The following MAPKAPK2 variants were observed in gnomAD, a reference collection of about 807,000 sequenced individuals.
MAPKAPK2 encodes MAP kinase-activated protein kinase 2.
In MAPKAPK2, 9 loss-of-function variants were observed where a neutral mutation model predicts 48.8. The ratio of observed to expected loss-of-function variants is 0.18; its 90% CI spans 0.11 to 0.32. The LOEUF is 0.32. Ranked by LOEUF, MAPKAPK2 falls within the 10% of genes least tolerant of loss-of-function variation. The pLI is 1.00. For missense variants in MAPKAPK2, 331 were observed against 498.3 expected (o/e 0.66, Z 3.20); for synonymous variants, 202 against 190.6 (o/e 1.06, Z -0.49).
intron 1 of MAPKAPK2, among the ~76,000 whole-genome samples, chr1:206,708,030 T>C (rs1385442682): frequency 6.6e-6 from 1 of 152,238 alleles, no homozygotes; most frequent in Non-Finnish European, 1.5e-5. Flanking sequence ...CCCTACATTG[T>C]ACATTGATCC....
intron 1 of MAPKAPK2, among the ~76,000 whole-genome samples, chr1:206,726,212 C>A (rs1037904571): frequency 6.6e-6 from 1 of 152,208 alleles, no homozygotes. Flanking sequence ...TGGCGAAACC[C>A]GGTCTCTACT....
chr1:206,716,584 T>C (rs1553430426), intron 1 of MAPKAPK2, among the ~76,000 whole-genome samples: 1 of 152,172 alleles, frequency 6.6e-6, no homozygotes, highest in African/African-American at 2.4e-5. Flanking sequence ...ATCTGTGGAC[T>C]CAGGTATACG....
rs370608750 is a variant in MAPKAPK2 at position 206,694,009 on chromosome 1, A to G, written c.279+8501A>G. ...CCATGGAGGTGTGGCCTCTTCCTCT[A>G]CTCCCCAGGGATCCTGGAGACTTGT... is the stretch of plus-strand genomic sequence containing the variant. On this transcript the variant is annotated intron_variant, in intron 1 of 9. Transcript: ENST00000367103. Among the ~76,000 whole-genome samples the G allele has an allele frequency of 9.7e-4, 148 of 152,028 alleles. 1 individual carries two copies. The highest frequency in any genetic ancestry group is 3.5e-3 in the African/African-American group (146 of 41,440).
chr1:206,710,418 A>G (rs1279530594), intron 1 of MAPKAPK2, among the ~76,000 whole-genome samples: 1 of 152,244 alleles, frequency 6.6e-6, no homozygotes, highest in South Asian at 2.1e-4. Flanking sequence ...GTGACATTTT[A>G]CAAAAATGGA....
chr1:206,723,791 G>A (rs999039870), intron 1 of MAPKAPK2, among the ~76,000 whole-genome samples: 1 of 152,230 alleles, frequency 6.6e-6, no homozygotes, highest in African/African-American at 2.4e-5. Flanking sequence ...AAGAGACAGA[G>A]AGGCATGGGA....
chr1:206,721,774 A>C (rs1289186220), intron 1 of MAPKAPK2, among the ~76,000 whole-genome samples: 14 of 152,230 alleles, frequency 9.2e-5, no homozygotes, highest in African/African-American at 3.1e-4. Flanking sequence ...TTTGAAGCAC[A>C]GTGGACCCTT....
chr1:206,717,311 A>T (rs2102403315), intron 1 of MAPKAPK2, among the ~76,000 whole-genome samples: 1 of 152,320 alleles, frequency 6.6e-6, no homozygotes. Context: ...GCTTAAATAT[A>T]GCAATATTTG....
At position 206,685,258 on chromosome 1, in the gene MAPKAPK2, C is replaced by A. The variant is rs1206536591; in HGVS notation, c.29C>A (p.Pro10Gln). The change falls in exon 1 of 10, where the codon CCG becomes CAG. Residue 10 changes from proline (P) to glutamine (Q), a missense_variant. Physicochemically the swap from Pro to Gln is moderately conservative, Grantham distance 76. Around this residue, in one of 4 missense-constraint regions of MAPKAPK2, gnomAD observed 93 missense variants for 81.0 expected, o/e 1.15. Transcript: ENST00000367103. ...CTGTCCAACTCCCAGGGCCAGAGCC[C>A]GCCGGTGCCGTTCCCCGCCCCGGCC... MLSNSQGQS[P>Q]PVPFPAPAPP... 7.7e-6 allele frequency: 5 copies of A among 650,108 alleles called. No homozygotes were observed. The East Asian group carries it at 2.5e-4, about 32-fold the overall frequency. 40.3% of individuals were successfully genotyped at this position (650,108 alleles called of 1,614,324 possible).
intron 3 of MAPKAPK2, 46 bp downstream of exon 3, chr1:206,729,145 T>C: frequency 6.3e-6 from 10 of 1,594,954 alleles, no homozygotes; most frequent in South Asian, 1.1e-5. Flanking sequence ...GGCAGGGCAG[T>C]GGGGGTCTGA....
intron 1 of MAPKAPK2, among the ~76,000 whole-genome samples, chr1:206,701,831 T>TAA (rs1181483621): frequency 0.074 from 6,396 of 86,226 alleles, 523 homozygotes; most frequent in East Asian, 0.36. Flanking sequence ...ACCCTGTCTC[T>TAA]AAAAAAAAAA....
intron 1 of MAPKAPK2, among the ~76,000 whole-genome samples, chr1:206,692,689 T>A (rs1450496330): frequency 6.6e-6 from 1 of 152,226 alleles, no homozygotes; most frequent in Non-Finnish European, 1.5e-5. Context: ...TTGTATCTGG[T>A]GTTCTCCTCC....
Position 206,732,954 on chromosome 1 carries a change from C to T in MAPKAPK2, c.*236C>T, listed in dbSNP as rs1673976705. On this transcript the variant is annotated 3_prime_UTR_variant, in exon 10 of 10. Coordinates refer to ENST00000367103, the MANE Select transcript of MAPKAPK2 (RefSeq NM_032960.4). This position sits in a 1 kb window ranked among gnomAD's most constrained non-coding sequence, Gnocchi z 4.4. ...AGCAAGGTGCTCTTGAACCTGTGCT[C>T]ATTTTGCAATTTTATCAGTAATTTG... 6.2e-6 allele frequency: 3 copies of T among 483,296 alleles called. No homozygotes were observed. The highest frequency in any genetic ancestry group is 7.9e-5 in the South Asian group (2 of 25,428). The allele number at this position is 483,296 out of a possible 1,614,324, so 29.9% of individuals were successfully genotyped here.
In MAPKAPK2 at chr1:206,731,241, T is replaced by G; in HGVS notation, c.871T>G (p.Trp291Gly). 1 of 1,614,120 alleles carries G rather than the reference T, an allele frequency of 6.2e-7. No individual in the cohort carries two copies. The highest frequency in any genetic ancestry group is 8.5e-7 in the Non-Finnish European group (1 of 1,180,022). Reference protein sequence around the residue: ...MGQYEFPNPEWSEVSEEVKML... With the variant: ...MGQYEFPNPEGSEVSEEVKML... ...CCAGTATGAATTTCCCAACCCAGAA[T>G]GGTCAGAAGTATCAGAGGAAGGTAA... The change falls in exon 7 of 10, where the codon TGG (tryptophan) becomes GGG (glycine). Residue 291 changes from tryptophan (W) to glycine (G), a missense_variant. Physicochemically the swap from Trp to Gly is radical, Grantham distance 184. Coordinates refer to ENST00000367103, the MANE Select transcript of MAPKAPK2 (RefSeq NM_032960.4). This position sits in a 1 kb window ranked among gnomAD's most constrained non-coding sequence, Gnocchi z 5.9.
At chr1:206,697,665 C>T (rs1672673381) in intron 1 of MAPKAPK2, among the ~76,000 whole-genome samples, 1 of 152,224 alleles carries the variant, frequency 6.6e-6, no homozygotes, top group Admixed American at 6.5e-5. Flanking sequence ...ACATCTCCCA[C>T]CGGGCCCCAC....
At chr1:206,720,326 C>T (rs1673475761) in intron 1 of MAPKAPK2, among the ~76,000 whole-genome samples, 1 of 152,186 alleles carries the variant, frequency 6.6e-6, no homozygotes, top group South Asian at 2.1e-4. Context: ...CCATTAACAA[C>T]TCATTGAGTC....
intron 1 of MAPKAPK2, among the ~76,000 whole-genome samples, chr1:206,713,192 G>A (rs1339773745): frequency 1.3e-5 from 2 of 152,216 alleles, no homozygotes; most frequent in African/African-American, 4.8e-5. Flanking sequence ...TCCCACTGGT[G>A]AGTGCTGAAG....
intron 1 of MAPKAPK2, among the ~76,000 whole-genome samples, chr1:206,697,242 C>G (rs1307526156): frequency 6.6e-6 from 1 of 152,238 alleles, no homozygotes; most frequent in African/African-American, 2.4e-5. Flanking sequence ...TAGCTACAGA[C>G]ACGGCACAGA....
Position 206,731,986 on chromosome 1 carries a change from G to A in MAPKAPK2, c.1059+67G>A. ...GGCGGCTTGCGGGGAGTGCCCAGGTGTGAGGCGTGGTGCTGGTAGGGGAGA... is the reference window on the plus strand; with the variant it reads ...GGCGGCTTGCGGGGAGTGCCCAGGTATGAGGCGTGGTGCTGGTAGGGGAGA... On this transcript the variant is annotated intron_variant, in intron 9 of 9. Coordinates refer to ENST00000367103, the MANE Select transcript of MAPKAPK2 (RefSeq NM_032960.4). The surrounding 1 kb of genome is among the most constrained non-coding windows in gnomAD (Gnocchi z 5.9). 1 of 1,614,104 alleles carries A rather than the reference G, an allele frequency of 6.2e-7. No homozygotes were observed. Among genetic ancestry groups the A allele is most frequent in the Non-Finnish European group, 8.5e-7 (1 of 1,180,008 alleles).
intron 1 of MAPKAPK2, among the ~76,000 whole-genome samples, chr1:206,699,314 T>C (rs1360022843): frequency 2.6e-5 from 4 of 152,166 alleles, no homozygotes; most frequent in Non-Finnish European, 5.9e-5. Flanking sequence ...AGACACATGA[T>C]GGGCTCTTCA....
Sources: gnomAD v4.1 joint callset for allele counts (sites outside exome capture counted in the v4.1 genomes callset) on GRCh38, gnomAD v4.1.1 for gene constraint, gnomAD v4.1.1 regional missense constraint, Gnocchi (gnomAD v3.1) non-coding constraint, MANE v1.5 for transcripts, NCBI Gene and HGNC (gene_info 2026-07-23, HGNC 2026-07-21) for gene names.